Variants in MYO1E observed in about 807,000 individuals in gnomAD.
MYO1E encodes the protein myosin IE, also known as unconventional myosin-Ie.
MYO1E carries 68 observed loss-of-function variants against 151.1 expected under a neutral mutation model. The observed-to-expected ratio is 0.45, with a 90% CI of 0.37 to 0.55. MYO1E has a LOEUF of 0.55. Among genes scored for constraint, MYO1E ranks in the 20% least tolerant of loss-of-function variants. The probability of loss-of-function intolerance (pLI) is 0.00; values close to 1 mark genes in which losing one functional copy is unlikely to be tolerated. For missense variants in MYO1E, 1,363 were observed against 1,389.3 expected, an observed-to-expected ratio of 0.98 and a Z score of 0.30; for synonymous variants, 601 against 501.7, an observed-to-expected ratio of 1.20 and a Z score of -2.64.
At chr15:59,297,923 T>C (rs538999553) in intron 1 of MYO1E, among the ~76,000 whole-genome samples, 9 of 152,316 alleles carry the variant, frequency 5.9e-5, no homozygotes, top group Admixed American at 6.5e-5. Context: ...AGTTATTTTA[T>C]AGAATTTCCC....
intron 4 of MYO1E, among the ~76,000 whole-genome samples, chr15:59,254,734 C>T (rs2080184287): frequency 6.6e-6 from 1 of 151,754 alleles, no homozygotes; most frequent in Admixed American, 6.6e-5. Context: ...AACACAAATA[C>T]GTATGATAAG....
At chr15:59,183,034 AC>A (rs1244486621) in intron 18 of MYO1E, among the ~76,000 whole-genome samples, 1 of 152,162 alleles carries the variant, frequency 6.6e-6, no homozygotes, top group African/African-American at 2.4e-5. Flanking sequence ...CGCTGATCTG[AC>A]AGGAGGTGGG....
At chr15:59,369,606 G>A (rs1180809451) in intron 1 of MYO1E, among the ~76,000 whole-genome samples, 1 of 152,140 alleles carries the variant, frequency 6.6e-6, no homozygotes, top group Admixed American at 6.6e-5. Flanking sequence ...AAATTATAAA[G>A]ATGTGCAGGG....
intron 1 of MYO1E, among the ~76,000 whole-genome samples, chr15:59,333,335 G>A (rs887449788): frequency 2.0e-5 from 3 of 152,064 alleles, no homozygotes; most frequent in Non-Finnish European, 4.4e-5. Context: ...GAACTCCCAG[G>A]CTCAAGTGAT....
rs183000145 is a variant in MYO1E, at chr15:59,352,063, G to T, written c.3+20435C>A. ...AATGGGAGAAAGTATAGCATGGACA[G>T]CAGCCGTGGAAGAGGCACCCCGGGT... On this transcript the variant is annotated intron_variant, in intron 1 of 27. Coordinates refer to ENST00000288235, the MANE Select transcript of MYO1E (RefSeq NM_004998.4). Among the ~76,000 whole-genome samples the T allele has an allele frequency of 7.5e-4, 114 of 152,326 alleles. 2 individuals are homozygous for T. The highest frequency in any genetic ancestry group is 7.3e-3 in the Admixed American group (112 of 15,304).
At chr15:59,234,925 A>C (rs2080053464) in intron 5 of MYO1E, among the ~76,000 whole-genome samples, 1 of 152,218 alleles carries the variant, frequency 6.6e-6, no homozygotes, top group African/African-American at 2.4e-5. Context: ...ATTCTGATTT[A>C]AAAAACTAAT....
Position 59,216,594 on chromosome 15 carries a change from G to GTATCTATC in MYO1E, c.1107+1289_1107+1296dup, listed in dbSNP as rs1290267352. Among the ~76,000 whole-genome samples the GTATCTATC allele has an allele frequency of 3.0e-4, 30 of 100,468 alleles. No homozygotes were observed. The South Asian group carries it at 4.9e-3, about 16-fold the overall frequency. The allele number at this position is 100,468 out of a possible 152,430, so 65.9% of individuals were successfully genotyped here. ...TAAGAGTTTATGTGTGTGTGTGTGT[G>GTATCTATC]TATCTATCTATCTATCTATCTATCT... On this transcript the variant is annotated intron_variant, in intron 10 of 27. Transcript: ENST00000288235.
intron 1 of MYO1E, among the ~76,000 whole-genome samples, chr15:59,290,610 A>G (rs1223440917): frequency 6.6e-6 from 1 of 152,248 alleles, no homozygotes; most frequent in African/African-American, 2.4e-5. Flanking sequence ...CAGAGGTAAT[A>G]GACTGTGACT....
At chr15:59,259,230 G>T (rs909831002) in intron 3 of MYO1E, among the ~76,000 whole-genome samples, 4 of 152,298 alleles carry the variant, frequency 2.6e-5, no homozygotes, top group African/African-American at 9.6e-5. Flanking sequence ...CAGAACAGTA[G>T]GGTTTGTAAG....
chr15:59,163,297 C>A lies in MYO1E; in HGVS notation c.2487G>T (p.Met829Ile). Residue 829 changes from methionine (M) to isoleucine (I), a missense_variant, in exon 23 of 28, where the codon ATG (methionine) becomes ATT (isoleucine). By Grantham distance (10) the Met-to-Ile change is conservative (BLOSUM62 1). Coordinates refer to ENST00000288235, the MANE Select transcript of MYO1E (RefSeq NM_004998.4). ...CATGGAGAATAAAAATGTCATCCTG[C>A]ATAGTACTGTAAAGAGATTGGACAA... ...ERILSVSLST[M>I]QDDIFILHEQ... 6.2e-7 allele frequency: 1 copy of A among 1,613,322 alleles called. No homozygotes were observed. The highest frequency in any genetic ancestry group is 8.5e-7 in the Non-Finnish European group (1 of 1,179,614).
intron 7 of MYO1E, 79 bp downstream of exon 7, chr15:59,227,380 G>A (rs1484262120): frequency 1.3e-6 from 2 of 1,565,742 alleles, no homozygotes; most frequent in Non-Finnish European, 1.8e-6. Context: ...CTAGACTATA[G>A]TCTATGCCTG....
chr15:59,314,447 A>C (rs1206035286), intron 1 of MYO1E, among the ~76,000 whole-genome samples: 1 of 152,138 alleles, frequency 6.6e-6, no homozygotes, highest in Non-Finnish European at 1.5e-5. Flanking sequence ...GCCTGCCCTG[A>C]TTCCCTCTCT....
intron 1 of MYO1E, among the ~76,000 whole-genome samples, chr15:59,312,897 G>A (rs894579614): frequency 9.9e-5 from 15 of 152,034 alleles, no homozygotes; most frequent in Admixed American, 5.9e-4. Flanking sequence ...AAAATTAGCC[G>A]GGCATGGTGG....
chr15:59,153,880 G>T (rs1323328272), intron 25 of MYO1E, 89 bp from the exon 26 acceptor site: 3 of 1,249,882 alleles, frequency 2.4e-6, no homozygotes, highest in South Asian at 1.2e-5. Context: ...GTACTACAAG[G>T]GCAGCTTACT....
chr15:59,326,241 C>CG (rs2140420136), intron 1 of MYO1E, among the ~76,000 whole-genome samples: 1 of 151,930 alleles, frequency 6.6e-6, no homozygotes, highest in Admixed American at 6.5e-5. Context: ...TTGGGTGGGA[C>CG]GGGCATGGTG....
intron 2 of MYO1E, among the ~76,000 whole-genome samples, chr15:59,268,126 C>T (rs1383534066): frequency 6.6e-6 from 1 of 152,190 alleles, no homozygotes; most frequent in East Asian, 1.9e-4. Flanking sequence ...AAAAACCCAA[C>T]TCTTACTTAC....
chr15:59,161,900 A>C (rs1057461066), intron 23 of MYO1E, among the ~76,000 whole-genome samples: 1 of 152,228 alleles, frequency 6.6e-6, no homozygotes, highest in African/African-American at 2.4e-5. Context: ...GAAAAATCAT[A>C]ATTTTAAGTA....
rs768900162 is a variant in MYO1E, at chr15:59,136,804, C to CA, written c.*575dup. The CA allele has an allele frequency of 1.3e-4, 58 of 455,404 alleles. No homozygotes were observed. The highest frequency in any genetic ancestry group is 2.4e-4 in the Non-Finnish European group (54 of 226,672). 28.2% of individuals were successfully genotyped at this position (455,404 alleles called of 1,614,324 possible). A position where few individuals can be genotyped will look rare whatever the true frequency, so the allele number is the denominator to read the frequency against. ...TGCTTGGCGGCCCTGATGGTCCCGG[C>CA]AAAGTGTAAACCAGTGCCCCTCTGT... On this transcript the variant is annotated 3_prime_UTR_variant, in exon 28 of 28. Coordinates refer to ENST00000288235, the MANE Select transcript of MYO1E (RefSeq NM_004998.4).
chr15:59,314,908 G>A (rs528111975), intron 1 of MYO1E, among the ~76,000 whole-genome samples: 1 of 152,252 alleles, frequency 6.6e-6, no homozygotes, highest in East Asian at 1.9e-4. Flanking sequence ...GTTACCACAG[G>A]CGGGGTGGCA....
Sources: allele counts gnomAD v4.1 joint callset (sites outside exome capture counted in the v4.1 genomes callset), GRCh38; gene constraint gnomAD v4.1.1; transcripts MANE v1.5; gene names NCBI Gene and HGNC (gene_info 2026-07-23, HGNC 2026-07-21).